The following DNAAF11 variants were observed in gnomAD, a reference collection of about 807,000 sequenced individuals.
The protein encoded by DNAAF11 is leucine rich repeat containing 6.
Under a neutral mutation model 60.8 loss-of-function variants are expected in DNAAF11, and 45 were observed. The ratio of observed to expected loss-of-function variants is 0.74; its 90% CI spans 0.58 to 0.95. The LOEUF is 0.95. Ranked by LOEUF, DNAAF11 falls within the 40% of genes least tolerant of loss-of-function variation. DNAAF11 has a pLI of 0.00. For synonymous variants in DNAAF11, 191 were observed against 183.5 expected, an observed-to-expected ratio of 1.04 and a Z score of -0.33; for missense variants, 546 against 546.2, an observed-to-expected ratio of 1.00 and a Z score of 0.00.
chr8:132,689,469 G>A, the DNAAF11 span, among the ~76,000 whole-genome samples: 3 of 148,528 alleles, frequency 2.0e-5, no homozygotes, highest in African/African-American at 7.5e-5. Flanking sequence ...CAAGGAAAAA[G>A]TTAATAATAT....
At chr8:132,676,953 T>G (rs546065591), upstream of DNAAF11, among the ~76,000 whole-genome samples, 13 of 152,318 alleles carry the variant, frequency 8.5e-5, no homozygotes, top group South Asian at 2.7e-3. Flanking sequence ...AGCAGGTTAG[T>G]GTGAGGTGAA....
At chr8:132,575,221 A>G (rs1814615047) in intron 11 of DNAAF11, among the ~76,000 whole-genome samples, 1 of 152,194 alleles carries the variant, frequency 6.6e-6, no homozygotes, top group African/African-American at 2.4e-5. Flanking sequence ...TTGTGCCTCA[A>G]AGACCTCATC....
intron 10 of DNAAF11, among the ~76,000 whole-genome samples, chr8:132,589,585 A>G (rs547808570): frequency 6.6e-6 from 1 of 152,290 alleles, no homozygotes; most frequent in South Asian, 2.1e-4. Flanking sequence ...AGACTATTTT[A>G]GTCAAATTTC....
chr8:132,622,787 T>TA, intron 6 of DNAAF11, 99 bp from the exon 7 acceptor site: 1 of 831,280 alleles, frequency 1.2e-6, no homozygotes, highest in Non-Finnish European at 2.0e-6. Context: ...GAAACAGTTT[T>TA]AAAAAAATTA....
At chr8:132,636,538 C>G (rs1384307535) in intron 4 of DNAAF11, among the ~76,000 whole-genome samples, 1 of 152,194 alleles carries the variant, frequency 6.6e-6, no homozygotes, top group Non-Finnish European at 1.5e-5. Flanking sequence ...GGCACAACCT[C>G]TGACCCTGTC....
chr8:132,573,608 A>G (rs1276792983), intron 11 of DNAAF11, among the ~76,000 whole-genome samples: 2 of 152,238 alleles, frequency 1.3e-5, no homozygotes, highest in Non-Finnish European at 2.9e-5. Flanking sequence ...ATGAAATTAT[A>G]TAAGAAATTA....
chr8:132,573,301 T>C (rs1814408415), intron 11 of DNAAF11, among the ~76,000 whole-genome samples: 2 of 152,192 alleles, frequency 1.3e-5, no homozygotes, highest in African/African-American at 4.8e-5. Context: ...CAAATGTTCA[T>C]TGAACAGATA....
chr8:132,695,198 C>T, the DNAAF11 span, among the ~76,000 whole-genome samples: 4 of 152,100 alleles, frequency 2.6e-5, no homozygotes, highest in Non-Finnish European at 5.9e-5. Flanking sequence ...AAGCACAGAA[C>T]TCAAATCTAC....
intron 1 of DNAAF11, among the ~76,000 whole-genome samples, chr8:132,674,345 C>G (rs1453450915): frequency 6.6e-6 from 1 of 151,916 alleles, no homozygotes; most frequent in African/African-American, 2.4e-5. Context: ...CAAATCACTC[C>G]CCCCCGACCC....
the DNAAF11 span, among the ~76,000 whole-genome samples, chr8:132,702,666 G>A: frequency 1.1e-4 from 16 of 152,280 alleles, no homozygotes; most frequent in African/African-American, 3.8e-4. Flanking sequence ...CATTTTGCCT[G>A]CATGAACTTG....
Position 132,583,655 on chromosome 8 carries a change from C to T in DNAAF11, c.1226+39G>A, listed in dbSNP as rs762753543. 1.3e-5 allele frequency: 20 copies of T among 1,496,008 alleles called. No individual in the cohort carries two copies. The East Asian group carries it at 4.5e-4, about 34-fold the overall frequency. The allele number at this position is 1,496,008 out of a possible 1,614,324, so 92.7% of individuals were successfully genotyped here. The stretch of plus-strand genomic sequence containing the variant: ...AACCAACAAATGACAATGAAGAGAA[C>T]AATATAATACAGCTAAGGACAGTCT... On this transcript the variant is annotated intron_variant, in intron 11 of 11. Coordinates refer to ENST00000620350, the MANE Select transcript of DNAAF11 (RefSeq NM_012472.6).
chr8:132,598,536 G>C (rs1817256037), intron 10 of DNAAF11, among the ~76,000 whole-genome samples: 1 of 152,112 alleles, frequency 6.6e-6, no homozygotes, highest in African/African-American at 2.4e-5. Context: ...TTCAGGGCAG[G>C]GGCCAAGCCA....
chr8:132,691,123 A>ACTTCTTCTCCATAGGAGAAGAGTTT, the DNAAF11 span, among the ~76,000 whole-genome samples: 22 of 147,202 alleles, frequency 1.5e-4, no homozygotes, highest in East Asian at 3.9e-3. Context: ...GATTATTTGA[A>ACTTCTTCTCCATAGGAGAAGAGTTT]CTTCTTCTCC....
intron 1 of DNAAF11, among the ~76,000 whole-genome samples, chr8:132,670,303 G>A (rs1825059917): frequency 1.3e-5 from 2 of 152,122 alleles, no homozygotes; most frequent in Non-Finnish European, 2.9e-5. Flanking sequence ...AATATTAGGA[G>A]TGAGAGAGGT....
chr8:132,590,777 C>T (rs1816380350), intron 10 of DNAAF11, among the ~76,000 whole-genome samples: 1 of 152,206 alleles, frequency 6.6e-6, no homozygotes, highest in African/African-American at 2.4e-5. Flanking sequence ...TTTCTGAATG[C>T]AATTTAACTT....
the DNAAF11 span, among the ~76,000 whole-genome samples, chr8:132,698,268 CT>C: frequency 1.3e-5 from 2 of 152,192 alleles, no homozygotes; most frequent in Non-Finnish European, 2.9e-5. Context: ...CTCATATACT[CT>C]TCATTTGTGC....
rs536292051 is a variant in DNAAF11 at position 132,582,517 on chromosome 8, T to C, written c.1226+1177A>G. ...TGCTGCTGGGGGTTAATTATGACTG[T>C]GAATATTCATAATAGACATAATACC... On this transcript the variant is annotated intron_variant, in intron 11 of 11. Coordinates refer to ENST00000620350, the MANE Select transcript of DNAAF11 (RefSeq NM_012472.6). 2.0e-5 allele frequency among the ~76,000 whole-genome samples: 3 copies of C among 152,308 alleles called. 1 individual carries two copies. The South Asian group carries it at 6.2e-4, about 32-fold the overall frequency.
chr8:132,670,578 T>C (rs536272943), intron 1 of DNAAF11, among the ~76,000 whole-genome samples: 7 of 152,132 alleles, frequency 4.6e-5, no homozygotes, highest in Non-Finnish European at 1.0e-4. Context: ...CAAACTCTTG[T>C]AGAAAATTGA....
intron 10 of DNAAF11, among the ~76,000 whole-genome samples, chr8:132,602,160 C>T (rs1042102144): frequency 2.0e-5 from 3 of 152,054 alleles, no homozygotes; most frequent in Non-Finnish European, 4.4e-5. Context: ...TATCATATTT[C>T]AATTTTAAAA....
Sources: gnomAD v4.1 joint callset for allele counts (sites outside exome capture counted in the v4.1 genomes callset) on GRCh38, gnomAD v4.1.1 for gene constraint, MANE v1.5 for transcripts, NCBI Gene and HGNC (gene_info 2026-07-23, HGNC 2026-07-21) for gene names.